The following PRR14L variants were observed in gnomAD, a reference collection of about 807,000 sequenced individuals.
PRR14L encodes the protein proline rich 14 like.
In PRR14L, 80 loss-of-function variants were observed where a neutral mutation model predicts 155.0. The ratio of observed to expected loss-of-function variants is 0.52; its 90% CI spans 0.43 to 0.62. PRR14L has a LOEUF of 0.62. Among genes scored for constraint, PRR14L ranks in the 20% least tolerant of loss-of-function variants. The pLI is 0.00. For synonymous variants in PRR14L, 883 were observed against 916.0 expected (o/e 0.96, Z 0.65); for missense variants, 2,469 against 2,548.0 (o/e 0.97, Z 0.67).
chr22:31,734,010 G>T (rs758191346), intron 2 of PRR14L, among the ~76,000 whole-genome samples: 2 of 151,772 alleles, frequency 1.3e-5, no homozygotes, highest in Admixed American at 6.6e-5. Flanking sequence ...GTCTCACTCT[G>T]TCGCCAGGCT....
At position 31,716,515 on chromosome 22, in the gene PRR14L, T is replaced by A. The variant is rs940529252; in HGVS notation, c.1324A>T (p.Ile442Phe). ...CTGTCTTGAATGCAGTTATTGTGGA[T>A]ATTTTCCTTTGGAGAAACAACAGGC... ...KEPVVSPKENIHNNCIQDSLH... is the reference protein window; with the variant it reads ...KEPVVSPKENFHNNCIQDSLH... Residue 442 changes from isoleucine to phenylalanine, a missense_variant, in exon 4 of 9, where the codon ATC (isoleucine) becomes TTC (phenylalanine). Coordinates refer to ENST00000327423, the MANE Select transcript of PRR14L (RefSeq NM_173566.3). 65 of 1,546,338 alleles carry A rather than the reference T, an allele frequency of 4.2e-5. No individual in the cohort carries two copies. The highest frequency in any genetic ancestry group is 5.5e-5 in the Non-Finnish European group (63 of 1,145,788).
In PRR14L at chr22:31,714,448, A is replaced by AT. The variant is rs759511927; in HGVS notation, c.3390dup (p.Ser1131IlefsTer3). On this transcript the variant is annotated frameshift_variant, in exon 4 of 9. Coordinates refer to ENST00000327423, the MANE Select transcript of PRR14L (RefSeq NM_173566.3). LOFTEE classifies it high-confidence loss of function. ...GATCTGCATACGTTTTCTTCACATG[A>AT]TTTTTTTATTTTGAGAAAGTCCACT... The AT allele has an allele frequency of 1.3e-6, 2 of 1,551,626 alleles. No individual in the cohort carries two copies. The highest frequency in any genetic ancestry group is 1.4e-5 in the African/African-American group (1 of 73,106).
rs1049412511 is a variant in PRR14L, at chr22:31,684,075, GAA to G, written c.*1450_*1451del. The G allele has an allele frequency of 2.6e-5, 4 of 152,234 alleles. No homozygotes were observed. Among genetic ancestry groups the G allele is most frequent in the Non-Finnish European group, 5.9e-5 (4 of 68,088 alleles). 9.4% of individuals were successfully genotyped at this position (152,234 alleles called of 1,614,324 possible). On this transcript the variant is annotated 3_prime_UTR_variant, in exon 9 of 9. Coordinates refer to ENST00000327423, the MANE Select transcript of PRR14L (RefSeq NM_173566.3). Reference sequence around the variant, plus strand: ...TTCTCTAAACTCTTGTTTTGAGAGAGAAAGAGAAACCCCTAGAGAAGGAGGGG... The same window carrying G: ...TTCTCTAAACTCTTGTTTTGAGAGAGAGAGAAACCCCTAGAGAAGGAGGGG...
intron 1 of PRR14L, among the ~76,000 whole-genome samples, chr22:31,744,103 G>C (rs1420302272): frequency 6.9e-6 from 1 of 144,546 alleles, no homozygotes; most frequent in African/African-American, 2.6e-5. Context: ...CTATAACCTT[G>C]AACTCCTTCT....
Position 31,747,824 on chromosome 22 carries a change from C to A in PRR14L, c.-52+2169G>T, listed in dbSNP as rs868351204. On this transcript the variant is annotated intron_variant, in intron 1 of 8. Coordinates refer to ENST00000327423, the MANE Select transcript of PRR14L (RefSeq NM_173566.3). ...CTATCCCACCAAAAAAAAAAAAAAA[C>A]AAAAACAGGAAAACAAACCTACCAG... 4.0e-3 allele frequency among the ~76,000 whole-genome samples: 532 copies of A among 132,330 alleles called. 2 individuals carry two copies. Among genetic ancestry groups the A allele is most frequent in the African/African-American group, 0.011 (401 of 35,714 alleles). 86.8% of individuals were successfully genotyped at this position (132,330 alleles called of 152,430 possible). A position where few individuals can be genotyped will look rare whatever the true frequency, so the allele number is the denominator to read the frequency against.
intron 4 of PRR14L, among the ~76,000 whole-genome samples, chr22:31,710,973 G>A (rs1464596768): frequency 6.6e-6 from 1 of 152,132 alleles, no homozygotes; most frequent in African/African-American, 2.4e-5. Context: ...CAAAAGGCAG[G>A]GGTTCATAAA....
In PRR14L at chr22:31,712,442, AGGAGCTG is replaced by A; in HGVS notation, c.5390_5396del (p.Pro1797LeufsTer10). The A allele has an allele frequency of 6.4e-7, 1 of 1,559,020 alleles. No homozygotes were observed. The highest frequency in any genetic ancestry group is 8.7e-7 in the Non-Finnish European group (1 of 1,150,794). ...TGGCAGTGCCTCCATAGTCTTGGAGAGGAGCTGGAGGCTGGGGAGGAGCCTGAGTGTG... is the reference window on the plus strand; with the variant it reads ...TGGCAGTGCCTCCATAGTCTTGGAGAGAGGCTGGGGAGGAGCCTGAGTGTG... On this transcript the variant is annotated frameshift_variant, in exon 4 of 9. Transcript: ENST00000327423. LOFTEE classifies it high-confidence loss of function.
chr22:31,706,677 C>G lies in PRR14L; in HGVS notation c.5757-1951G>C, dbSNP rs112368461. Among the ~76,000 whole-genome samples, 1,313 of 152,188 alleles carry G rather than the reference C, an allele frequency of 8.6e-3. 18 individuals are homozygous for G. The highest frequency in any genetic ancestry group is 0.029 in the African/African-American group (1,204 of 41,540). On this transcript the variant is annotated intron_variant, in intron 4 of 8. Coordinates refer to ENST00000327423, the MANE Select transcript of PRR14L (RefSeq NM_173566.3). ...GACCTTGTGGTCTGCCTACCTCAGT[C>G]TCCCAAAGTGTTGGGATTATAGGCA...
intron 2 of PRR14L, among the ~76,000 whole-genome samples, chr22:31,727,515 G>A (rs994162294): frequency 4.0e-5 from 6 of 151,874 alleles, no homozygotes; most frequent in African/African-American, 4.8e-5. Flanking sequence ...GATTACAGGC[G>A]TGAGCCACCA....
chr22:31,715,663 C>G lies in PRR14L; in HGVS notation c.2176G>C (p.Ala726Pro), dbSNP rs1408591985. ...TTTAAGGTGGGACAGTTTGAAGAGG[C>G]ACCACAGGTTTGGTTACCTGGTGGA... Reference protein sequence around the residue: ...ISPPGNQTCGASSNCPTLNIK... With the variant: ...ISPPGNQTCGPSSNCPTLNIK... The change falls in exon 4 of 9, where the codon GCC becomes CCC. Residue 726 changes from alanine to proline, a missense_variant. Coordinates refer to ENST00000327423, the MANE Select transcript of PRR14L (RefSeq NM_173566.3). 6 of 1,552,206 alleles carry G rather than the reference C, an allele frequency of 3.9e-6. No homozygotes were observed. In the Middle Eastern group the frequency reaches 1.0e-3, roughly 259 times the overall value.
At chr22:31,693,372 T>C (rs1429544356) in intron 7 of PRR14L, among the ~76,000 whole-genome samples, 1 of 152,226 alleles carries the variant, frequency 6.6e-6, no homozygotes, top group African/African-American at 2.4e-5. Context: ...TACTCAGTAG[T>C]AAGCATTTAA....
Position 31,712,112 on chromosome 22 carries a change from C to T in PRR14L, c.5727G>A (p.Lys1909=). The change falls in exon 4 of 9, where the codon AAG becomes AAA. Residue 1909 remains lysine (K), a synonymous_variant. Transcript: ENST00000327423. Reference sequence around the variant, plus strand: ...TTGTGGTGCCCAGACTTGGTTGCCGCTTGCAGTGAGGGGAATGAAGAGAAG... The same window carrying T: ...TTGTGGTGCCCAGACTTGGTTGCCGTTTGCAGTGAGGGGAATGAAGAGAAG... ...EISSLHSPHC[K]RQPSLGTTSS... 2 of 1,613,002 alleles carry T rather than the reference C, an allele frequency of 1.2e-6. No individual in the cohort carries two copies.
Position 31,728,102 on chromosome 22 carries a change from G to A in PRR14L, c.475-2492C>T, listed in dbSNP as rs1394140887. ...GTGGTGGGCAACCTCCAGATCCAGT[G>A]GGAGCTCTGCTAGTCTGGGCTCCTG... On this transcript the variant is annotated intron_variant, in intron 2 of 8. Transcript: ENST00000327423. Among the ~76,000 whole-genome samples the A allele has an allele frequency of 2.0e-5, 3 of 152,082 alleles. No individual in the cohort carries two copies. The East Asian group carries it at 5.8e-4, about 29-fold the overall frequency.
intron 1 of PRR14L, among the ~76,000 whole-genome samples, chr22:31,741,555 C>T (rs117955537): frequency 6.6e-6 from 1 of 152,232 alleles, no homozygotes; most frequent in East Asian, 1.9e-4. Context: ...AAATGAGATT[C>T]TGGATGTGAA....
chr22:31,745,224 A>G (rs2074831637), intron 1 of PRR14L, among the ~76,000 whole-genome samples: 1 of 152,064 alleles, frequency 6.6e-6, no homozygotes, highest in Non-Finnish European at 1.5e-5. Context: ...AAAAATACAA[A>G]AAATTAGCCG....
At chr22:31,740,401 G>C (rs920840801) in intron 1 of PRR14L, among the ~76,000 whole-genome samples, 9 of 152,112 alleles carry the variant, frequency 5.9e-5, no homozygotes, top group African/African-American at 2.2e-4. Flanking sequence ...TGTATTTTTA[G>C]TAGAGACAAA....
At chr22:31,711,992 T>C in intron 4 of PRR14L, 91 bp downstream of exon 4, 1 of 1,221,386 alleles carries the variant, frequency 8.2e-7, no homozygotes, top group Non-Finnish European at 1.1e-6. Context: ...GGACTCTAAA[T>C]AGCCTTGCAT....
At chr22:31,723,663 A>C (rs2074702219) in intron 3 of PRR14L, among the ~76,000 whole-genome samples, 1 of 151,584 alleles carries the variant, frequency 6.6e-6, no homozygotes, top group Admixed American at 6.6e-5. Context: ...AATGTCCTTT[A>C]ATCTACACTG....
In PRR14L at chr22:31,703,751, G is replaced by C. The variant is rs181607540; in HGVS notation, c.5829-30C>G. The C allele has an allele frequency of 6.4e-4, 898 of 1,397,450 alleles. 4 individuals carry two copies. The Admixed American group carries it at 0.011, about 16-fold the overall frequency. 86.6% of individuals were successfully genotyped at this position (1,397,450 alleles called of 1,614,324 possible). A position where few individuals can be genotyped will look rare whatever the true frequency, so the allele number is the denominator to read the frequency against. ...CACCATGAAGAGAAAGAAGATATGA[G>C]AGGGGTTCCCTTTCTACTTCCAGCA... On this transcript the variant is annotated intron_variant, in intron 5 of 8. Coordinates refer to ENST00000327423, the MANE Select transcript of PRR14L (RefSeq NM_173566.3).
Sources: gnomAD v4.1 joint callset for allele counts (sites outside exome capture counted in the v4.1 genomes callset) on GRCh38, gnomAD v4.1.1 for gene constraint, MANE v1.5 for transcripts, NCBI Gene and HGNC (gene_info 2026-07-23, HGNC 2026-07-21) for gene names.